The following RELN variants were observed in gnomAD, a reference collection of about 807,000 sequenced individuals.
The protein encoded by RELN is reelin.
RELN carries 108 observed loss-of-function variants against 427.6 expected under a neutral mutation model. The observed-to-expected ratio is 0.25, with a 90% CI of 0.22 to 0.30. RELN has a LOEUF of 0.30. Among genes scored for constraint, RELN ranks in the 10% least tolerant of loss-of-function variants. RELN has a pLI of 1.00. For synonymous variants in RELN, 1,524 were observed against 1,513.4 expected, an observed-to-expected ratio of 1.01 and a Z score of -0.16; for missense variants, 3,715 against 4,302.8, an observed-to-expected ratio of 0.86 and a Z score of 3.82.
intron 1 of RELN, among the ~76,000 whole-genome samples, chr7:103,945,678 A>G (rs76546637): frequency 0.021 from 3,237 of 152,268 alleles, 112 homozygotes; most frequent in African/African-American, 0.074. Flanking sequence ...ACTGTAATTA[A>G]ATAATTATTT....
rs190346928 is a variant in RELN, at chr7:103,657,383, C to T, written c.1442-3178G>A. Among the ~76,000 whole-genome samples, 108 of 151,650 alleles carry T rather than the reference C, an allele frequency of 7.1e-4. 1 individual carries two copies. The highest frequency in any genetic ancestry group is 2.2e-3 in the African/African-American group (92 of 41,380). On this transcript the variant is annotated intron_variant, in intron 12 of 64. Transcript: ENST00000428762. Reference sequence around the variant, plus strand: ...TTAAATTGAGGATTATATATAAATACGTATATATGACAATATATACATATA... The same window carrying T: ...TTAAATTGAGGATTATATATAAATATGTATATATGACAATATATACATATA...
Position 103,728,167 on chromosome 7 carries a change from C to T in RELN, c.697G>A (p.Ala233Thr), listed in dbSNP as rs181961566. Residue 233 changes from alanine to threonine, a missense_variant, in exon 7 of 65, where the codon GCG (alanine) becomes ACG (threonine). Transcript: ENST00000428762. ...GTGACGGCATTGCCATGCATAATCG[C>T]GCCACACTGTTCTCCAGTCTCACAG... ...NNCETGEQCG[A>T]IMHGNAVTFC... 84 of 1,613,856 alleles carry T rather than the reference C, an allele frequency of 5.2e-5. No homozygotes were observed. The East Asian group carries it at 6.0e-4, about 12-fold the overall frequency.
intron 2 of RELN, among the ~76,000 whole-genome samples, chr7:103,858,663 C>T (rs1295011257): frequency 6.6e-6 from 1 of 152,204 alleles, no homozygotes; most frequent in East Asian, 1.9e-4. Context: ...TGCACCAACA[C>T]TGTCATTAGT....
intron 3 of RELN, among the ~76,000 whole-genome samples, chr7:103,802,998 A>G (rs977280405): frequency 4.6e-5 from 7 of 152,142 alleles, no homozygotes; most frequent in African/African-American, 1.4e-4. Flanking sequence ...TCTCCAATCA[A>G]TATGTAGGAT....
At chr7:103,964,687 A>C (rs1216705728) in intron 1 of RELN, among the ~76,000 whole-genome samples, 1 of 152,258 alleles carries the variant, frequency 6.6e-6, no homozygotes, top group African/African-American at 2.4e-5. Context: ...ACTGACATGA[A>C]GCACTTAACT....
intron 2 of RELN, among the ~76,000 whole-genome samples, chr7:103,893,223 C>G (rs1794887692): frequency 6.6e-6 from 1 of 152,156 alleles, no homozygotes; most frequent in African/African-American, 2.4e-5. Flanking sequence ...AATTCCTGTA[C>G]AGGATGCAGA....
At chr7:103,942,952 C>T (rs1417305897) in intron 1 of RELN, among the ~76,000 whole-genome samples, 1 of 151,782 alleles carries the variant, frequency 6.6e-6, no homozygotes, top group African/African-American at 2.4e-5. Context: ...AGTTGGAGAA[C>T]CACTGCTTTG....
intron 16 of RELN, among the ~76,000 whole-genome samples, chr7:103,647,944 A>T (rs931274661): frequency 6.6e-6 from 1 of 152,060 alleles, no homozygotes; most frequent in Non-Finnish European, 1.5e-5. Context: ...AAAAACATAC[A>T]CTAGGGAAAG....
At chr7:103,588,238 G>A (rs1393433749) in intron 28 of RELN, among the ~76,000 whole-genome samples, 1 of 152,078 alleles carries the variant, frequency 6.6e-6, no homozygotes, top group African/African-American at 2.4e-5. Flanking sequence ...TGGAACCAGA[G>A]GCCATTATTT....
At chr7:103,761,633 G>T (rs1037321818) in intron 4 of RELN, among the ~76,000 whole-genome samples, 4 of 151,564 alleles carry the variant, frequency 2.6e-5, no homozygotes, top group East Asian at 2.0e-4. Context: ...TTTTTTGGGG[G>T]GGGGTAGAGA....
At chr7:103,481,437 A>T (rs1476607589) in intron 63 of RELN, among the ~76,000 whole-genome samples, 1 of 152,200 alleles carries the variant, frequency 6.6e-6, no homozygotes, top group Non-Finnish European at 1.5e-5. Context: ...TTGGCAAGCC[A>T]CTTGAAAGAT....
At chr7:103,486,968 G>A (rs893369406) in intron 60 of RELN, among the ~76,000 whole-genome samples, 6 of 152,126 alleles carry the variant, frequency 3.9e-5, no homozygotes, top group Non-Finnish European at 5.9e-5. Context: ...TATGTTTATT[G>A]CAGCACTATT....
intron 22 of RELN, among the ~76,000 whole-genome samples, chr7:103,608,218 C>G (rs362687): frequency 0.025 from 3,786 of 152,164 alleles, 169 homozygotes; most frequent in African/African-American, 0.087. Context: ...ATAAAGTTAT[C>G]AAGACTTCCA....
At position 103,483,853 on chromosome 7, in the gene RELN, GA is replaced by G. The variant is rs1828329115; in HGVS notation, c.9984-4del. On this transcript the variant is annotated splice_polypyrimidine_tract_variant and splice_region_variant and intron_variant, in intron 61 of 64. Coordinates refer to ENST00000428762, the MANE Select transcript of RELN (RefSeq NM_005045.4). Reference sequence around the variant, plus strand: ...TTTGCAAAACAAACATGATTTTGCTGAAAAACACAGGGAAATCATCTTTATT... The same window carrying G: ...TTTGCAAAACAAACATGATTTTGCTGAAAACACAGGGAAATCATCTTTATT... The G allele has an allele frequency of 6.2e-7, 1 of 1,613,476 alleles. No individual in the cohort carries two copies. The highest frequency in any genetic ancestry group is 8.5e-7 in the Non-Finnish European group (1 of 1,179,592).
In RELN at chr7:103,903,304, A is replaced by T. The variant is rs150383247; in HGVS notation, c.337+13771T>A. 3.6e-3 allele frequency among the ~76,000 whole-genome samples: 540 copies of T among 151,474 alleles called. 3 individuals are homozygous for T. Among genetic ancestry groups the T allele is most frequent in the Non-Finnish European group, 5.7e-3 (389 of 67,894 alleles). Reference sequence around the variant, plus strand: ...TTTTTTTTTCCTCAATTCGTATTTAAGAAAGAGAGAGAAAAGTATTCCTGA... The same window carrying T: ...TTTTTTTTTCCTCAATTCGTATTTATGAAAGAGAGAGAAAAGTATTCCTGA... On this transcript the variant is annotated intron_variant, in intron 2 of 64. Coordinates refer to ENST00000428762, the MANE Select transcript of RELN (RefSeq NM_005045.4).
At chr7:103,952,530 C>A (rs533839749) in intron 1 of RELN, among the ~76,000 whole-genome samples, 2 of 150,526 alleles carry the variant, frequency 1.3e-5, no homozygotes, top group Non-Finnish European at 2.9e-5. Flanking sequence ...CACACACACA[C>A]ACATACATAC....
chr7:103,523,250 G>A, intron 47 of RELN, 141 bp downstream of exon 47: 1 of 902,634 alleles, frequency 1.1e-6, no homozygotes, highest in African/African-American at 1.7e-5. Flanking sequence ...CAACTTCACA[G>A]TTAGCTCAAG....
At chr7:103,559,713 T>A (rs1452769325) in intron 36 of RELN, among the ~76,000 whole-genome samples, 10 of 152,208 alleles carry the variant, frequency 6.6e-5, no homozygotes, top group Non-Finnish European at 1.5e-4. Flanking sequence ...TAGCTGGGAC[T>A]AGAGGTGTGC....
chr7:103,533,078 T>C (rs1829975710), intron 46 of RELN, among the ~76,000 whole-genome samples: 2 of 152,236 alleles, frequency 1.3e-5, no homozygotes, highest in Admixed American at 1.3e-4. Context: ...GTTTGGTGAA[T>C]GGTTTGACGT....
Sources: gnomAD v4.1 joint callset for allele counts (sites outside exome capture counted in the v4.1 genomes callset) on GRCh38, gnomAD v4.1.1 for gene constraint, MANE v1.5 for transcripts, NCBI Gene and HGNC (gene_info 2026-07-23, HGNC 2026-07-21) for gene names.